Variants in AKAP19 observed in about 807,000 individuals in gnomAD.
The protein encoded by AKAP19 is small A-kinase anchoring protein.
At chr2:189,898,603 A>G in the AKAP19 span, among the ~76,000 whole-genome samples, 2 of 152,260 alleles carry the variant, frequency 1.3e-5, no homozygotes, top group East Asian at 3.9e-4. Context: ...CATAATCACC[A>G]TTATAGAGTC....
the AKAP19 span, among the ~76,000 whole-genome samples, chr2:189,942,337 T>C: frequency 6.6e-6 from 1 of 152,216 alleles, no homozygotes; most frequent in East Asian, 1.9e-4. Flanking sequence ...TCTGCCATGA[T>C]GGTAAGCTTC....
the AKAP19 span, among the ~76,000 whole-genome samples, chr2:189,949,306 C>G: frequency 1.3e-5 from 2 of 152,090 alleles, no homozygotes; most frequent in Non-Finnish European, 2.9e-5. Context: ...GTAATCCCAG[C>G]ACTTTGGGAG....
chr2:189,968,616 A>G, the AKAP19 span, among the ~76,000 whole-genome samples: 30 of 152,204 alleles, frequency 2.0e-4, no homozygotes, highest in Admixed American at 1.8e-3. Flanking sequence ...ATAGCTATGC[A>G]CTACATACAA....
At chr2:190,151,573 G>A in the AKAP19 span, among the ~76,000 whole-genome samples, 1 of 152,202 alleles carries the variant, frequency 6.6e-6, no homozygotes, top group African/African-American at 2.4e-5. Context: ...GTATTCCATG[G>A]TGTATATGTA....
chr2:190,182,918 G>A, the AKAP19 span, among the ~76,000 whole-genome samples: 1 of 152,210 alleles, frequency 6.6e-6, no homozygotes. Context: ...TAAAGCCTCT[G>A]TATGGTTTGC....
At chr2:190,133,106 C>T in the AKAP19 span, among the ~76,000 whole-genome samples, 4 of 151,568 alleles carry the variant, frequency 2.6e-5, no homozygotes, top group Admixed American at 6.6e-5. Context: ...GGCGTGGTGG[C>T]GGGCGCCTGT....
chr2:189,918,122 G>A, the AKAP19 span, among the ~76,000 whole-genome samples: 13 of 151,350 alleles, frequency 8.6e-5, no homozygotes, highest in Admixed American at 4.6e-4. Flanking sequence ...ATTGTCTTAA[G>A]TACTCTACAT....
chr2:190,068,522 C>T, the AKAP19 span, among the ~76,000 whole-genome samples: 1 of 152,058 alleles, frequency 6.6e-6, no homozygotes, highest in South Asian at 2.1e-4. Flanking sequence ...GTAGAGACGG[C>T]GTTTTGCCAT....
chr2:189,930,405 C>T, the AKAP19 span: 11 of 301,092 alleles, frequency 3.7e-5, no homozygotes, highest in African/African-American at 2.0e-4. Flanking sequence ...GGGCTGGGCG[C>T]GGTGGCTTCA....
chr2:190,040,898 G>A, the AKAP19 span, among the ~76,000 whole-genome samples: 2 of 152,124 alleles, frequency 1.3e-5, no homozygotes, highest in African/African-American at 4.8e-5. Context: ...CTTTGAACCA[G>A]TACCATGCTG....
the AKAP19 span, among the ~76,000 whole-genome samples, chr2:190,074,193 G>T: frequency 0.057 from 8,600 of 152,036 alleles, 543 homozygotes; most frequent in African/African-American, 0.15. Context: ...TAAATGCAAC[G>T]TACTTTCCAA....
chr2:189,983,124 C>T, the AKAP19 span, among the ~76,000 whole-genome samples: 1 of 152,074 alleles, frequency 6.6e-6, no homozygotes, highest in African/African-American at 2.4e-5. Context: ...GGTGAGGGTG[C>T]ACAGTTCCTC....
the AKAP19 span, among the ~76,000 whole-genome samples, chr2:190,127,123 T>G: frequency 3.9e-5 from 6 of 151,940 alleles, 1 homozygote; most frequent in African/African-American, 7.3e-5. Context: ...TAATTTTGTC[T>G]TATACTTTTG....
At chr2:190,077,161 A>C in the AKAP19 span, among the ~76,000 whole-genome samples, 1 of 151,000 alleles carries the variant, frequency 6.6e-6, no homozygotes, top group Non-Finnish European at 1.5e-5. Flanking sequence ...ATTTTCTTTT[A>C]AAACCTTGAG....
At chr2:190,093,508 T>C in the AKAP19 span, among the ~76,000 whole-genome samples, 4 of 152,072 alleles carry the variant, frequency 2.6e-5, no homozygotes, top group African/African-American at 9.6e-5. Context: ...AAAATAAACA[T>C]TGTTGGGTGA....
chr2:190,019,121 T>G, the AKAP19 span, among the ~76,000 whole-genome samples: 1 of 152,160 alleles, frequency 6.6e-6, no homozygotes, highest in African/African-American at 2.4e-5. Flanking sequence ...CTATGCTCAG[T>G]AGAAATACAC....
chr2:190,108,164 T>C, the AKAP19 span, among the ~76,000 whole-genome samples: 1 of 152,230 alleles, frequency 6.6e-6, no homozygotes, highest in South Asian at 2.1e-4. Context: ...GGTTTGTTGT[T>C]GTTATTTTTT....
the AKAP19 span, among the ~76,000 whole-genome samples, chr2:190,118,400 C>A: frequency 1.3e-5 from 2 of 152,260 alleles, no homozygotes; most frequent in Middle Eastern, 6.8e-3. Context: ...CAAAGCCTGG[C>A]AGAGACACAA....
the AKAP19 span, among the ~76,000 whole-genome samples, chr2:189,974,661 G>A: frequency 2.0e-5 from 3 of 152,064 alleles, no homozygotes; most frequent in African/African-American, 7.2e-5. Context: ...TATGAATCTG[G>A]GTGCTCCTGT....
Sources: gnomAD v4.1 joint callset for allele counts (sites outside exome capture counted in the v4.1 genomes callset) on GRCh38, gnomAD v4.1.1 for gene constraint, MANE v1.5 for transcripts, NCBI Gene and HGNC (gene_info 2026-07-23, HGNC 2026-07-21) for gene names.